PSMB2: variants seen among roughly 807,000 people sequenced by gnomAD.
PSMB2 encodes proteasome 20S subunit beta 2, also known as proteasome subunit beta type-2.
Under a neutral mutation model 25.7 loss-of-function variants are expected in PSMB2, and 13 were observed. The ratio of observed to expected loss-of-function variants is 0.51; its 90% confidence interval spans 0.33 to 0.80. PSMB2 has a LOEUF of 0.80. Ranked by LOEUF, PSMB2 falls within the 30% of genes least tolerant of loss-of-function variation. The probability of loss-of-function intolerance (pLI) is 0.02; values close to 1 mark genes in which losing one functional copy is unlikely to be tolerated. For synonymous variants in PSMB2, 87 were observed against 96.2 expected, an observed-to-expected ratio of 0.90 and a Z score of 0.56; for missense variants, 202 against 259.0, an observed-to-expected ratio of 0.78 and a Z score of 1.51.
intron 3 of PSMB2, among the ~76,000 whole-genome samples, chr1:35,620,964 C>T (rs539217190): frequency 2.0e-5 from 3 of 151,710 alleles, no homozygotes; most frequent in African/African-American, 7.3e-5. Context: ...CTGTGCCCGG[C>T]TGACTTTAGA....
intron 3 of PSMB2, among the ~76,000 whole-genome samples, chr1:35,627,443 C>T (rs1433567894): frequency 6.6e-6 from 1 of 151,848 alleles, no homozygotes; most frequent in Non-Finnish European, 1.5e-5. Flanking sequence ...ATTGCTTGAG[C>T]CCAGGAGTTC....
rs565440712 is a variant in PSMB2 at position 35,607,020 on chromosome 1, C to A, written c.449-1738G>T. Among the ~76,000 whole-genome samples the A allele has an allele frequency of 3.3e-5, 5 of 152,258 alleles. No homozygotes were observed. In the South Asian group the frequency reaches 1.0e-3, roughly 32 times the overall value. On this transcript the variant is annotated intron_variant, in intron 4 of 5. Coordinates refer to ENST00000373237, the MANE Select transcript of PSMB2 (RefSeq NM_002794.5). Reference sequence around the variant, plus strand: ...CCATACACAGAAGAATGAAACCAGACCCTCACCTCTTACCCTATACAAAAT... The same window carrying A: ...CCATACACAGAAGAATGAAACCAGAACCTCACCTCTTACCCTATACAAAAT...
chr1:35,635,568 C>A (rs983533721), intron 2 of PSMB2, among the ~76,000 whole-genome samples: 1 of 151,862 alleles, frequency 6.6e-6, no homozygotes, highest in African/African-American at 2.4e-5. Flanking sequence ...TGGTGGCTCA[C>A]GCCTGTAATC....
chr1:35,636,891 T>A (rs1651258664), intron 1 of PSMB2, among the ~76,000 whole-genome samples: 2 of 152,230 alleles, frequency 1.3e-5, no homozygotes, highest in Admixed American at 6.5e-5. Flanking sequence ...ATTTAACTAA[T>A]TATTGCTTTT....
At chr1:35,625,607 A>T (rs1650831813) in intron 3 of PSMB2, among the ~76,000 whole-genome samples, 1 of 151,542 alleles carries the variant, frequency 6.6e-6, no homozygotes, top group Non-Finnish European at 1.5e-5. Context: ...CTAAAAATAC[A>T]AAAAAGTAGC....
At chr1:35,629,966 C>T (rs1651042700) in intron 3 of PSMB2, among the ~76,000 whole-genome samples, 2 of 152,140 alleles carry the variant, frequency 1.3e-5, no homozygotes, top group Admixed American at 6.5e-5. Context: ...ATCAGGAGTT[C>T]GAGACCAGCC....
intron 5 of PSMB2, among the ~76,000 whole-genome samples, chr1:35,604,215 G>A (rs940598362): frequency 3.9e-5 from 6 of 152,054 alleles, no homozygotes; most frequent in Non-Finnish European, 8.8e-5. Flanking sequence ...AACTAATGTG[G>A]CTGGTTTTTG....
rs1299065680 is a variant in PSMB2 at position 35,641,482 on chromosome 1, C to T, written c.-50G>A. 1 of 1,612,246 alleles carries T rather than the reference C, an allele frequency of 6.2e-7. No individual in the cohort carries two copies. ...GGTCCGACACAGCACGAGACTCGCC[C>T]GCTTCCAGGTCTCACCGGTGAGACA... On this transcript the variant is annotated 5_prime_UTR_variant, in exon 1 of 6. Coordinates refer to ENST00000373237, the MANE Select transcript of PSMB2 (RefSeq NM_002794.5).
intron 3 of PSMB2, among the ~76,000 whole-genome samples, chr1:35,627,579 C>G (rs1299669745): frequency 1.3e-5 from 2 of 152,044 alleles, no homozygotes; most frequent in African/African-American, 2.4e-5. Context: ...CCTGAAAGGT[C>G]AAGGGGCTGC....
intron 3 of PSMB2, among the ~76,000 whole-genome samples, chr1:35,622,694 G>C (rs1449355749): frequency 6.6e-6 from 1 of 151,778 alleles, no homozygotes; most frequent in Admixed American, 6.6e-5. Flanking sequence ...TGCTCTCTGA[G>C]TGAGAAAGCA....
intron 5 of PSMB2, among the ~76,000 whole-genome samples, chr1:35,603,812 G>A (rs1650078502): frequency 6.6e-6 from 1 of 152,172 alleles, no homozygotes. Context: ...GGTTGAGGTG[G>A]AAGAATATCT....
Position 35,600,426 on chromosome 1 carries a change from A to G in PSMB2, c.*2841T>C. On this transcript the variant is annotated 3_prime_UTR_variant, in exon 6 of 6. Transcript: ENST00000373237. ...GTGGTATATAGAAGATGTTAACATT[A>G]CAGAAACTGAATAAGGGGTATAAGG... The G allele has an allele frequency of 1.2e-6, 1 of 858,690 alleles. No individual in the cohort carries two copies. Among genetic ancestry groups the G allele is most frequent in the Non-Finnish European group, 1.4e-6 (1 of 714,776 alleles). 53.2% of individuals were successfully genotyped at this position (858,690 alleles called of 1,614,324 possible).
intron 1 of PSMB2, among the ~76,000 whole-genome samples, chr1:35,638,649 A>G (rs181566465): frequency 2.0e-5 from 3 of 152,358 alleles, no homozygotes; most frequent in African/African-American, 7.2e-5. Flanking sequence ...GGAATTCAGA[A>G]AAGAGAGAAT....
At chr1:35,604,546 G>A (rs1459698387) in intron 5 of PSMB2, among the ~76,000 whole-genome samples, 2 of 152,122 alleles carry the variant, frequency 1.3e-5, no homozygotes, top group African/African-American at 2.4e-5. Context: ...TTGGGAGGCC[G>A]AGGCAGGCGG....
At chr1:35,629,523 C>G (rs1365313681) in intron 3 of PSMB2, among the ~76,000 whole-genome samples, 1 of 152,100 alleles carries the variant, frequency 6.6e-6, no homozygotes, top group African/African-American at 2.4e-5. Context: ...CAGGTAAGTA[C>G]GCCAGGTACA....
rs79838137 is a variant in PSMB2, at chr1:35,631,641, G to A, written c.215-297C>T. Reference sequence around the variant, plus strand: ...TCATCAACACACTGTGGTTTCTGCCGTAGAAGGAAAGGAACACGAATACAC... The same window carrying A: ...TCATCAACACACTGTGGTTTCTGCCATAGAAGGAAAGGAACACGAATACAC... On this transcript the variant is annotated intron_variant, in intron 2 of 5. Coordinates refer to ENST00000373237, the MANE Select transcript of PSMB2 (RefSeq NM_002794.5). The A allele has an allele frequency of 8.4e-3, 3,433 of 411,030 alleles. 115 individuals are homozygous for A. Among genetic ancestry groups the A allele is most frequent in the African/African-American group, 0.064 (3,041 of 47,562 alleles). The allele number at this position is 411,030 out of a possible 1,614,324, so 25.5% of individuals were successfully genotyped here. A position where few individuals can be genotyped will look rare whatever the true frequency, so the allele number is the denominator to read the frequency against.
intron 3 of PSMB2, among the ~76,000 whole-genome samples, chr1:35,617,400 G>A (rs1357721168): frequency 2.0e-5 from 3 of 152,152 alleles, no homozygotes; most frequent in Non-Finnish European, 4.4e-5. Context: ...GGAAACCCAT[G>A]TGTAGATTCA....
chr1:35,605,188 C>G (rs1650126545), intron 5 of PSMB2, 45 bp downstream of exon 5: 1 of 1,563,664 alleles, frequency 6.4e-7, no homozygotes, highest in Non-Finnish European at 8.7e-7. Context: ...CACTGGCAAA[C>G]AGAGAGACAA....
intron 4 of PSMB2, among the ~76,000 whole-genome samples, chr1:35,608,314 G>A (rs1248969657): frequency 1.3e-5 from 2 of 151,242 alleles, no homozygotes; most frequent in African/African-American, 2.4e-5. Flanking sequence ...GCTGTGAGCC[G>A]AGATCACTCC....
Sources: gnomAD v4.1 joint callset for allele counts (sites outside exome capture counted in the v4.1 genomes callset) on GRCh38, gnomAD v4.1.1 for gene constraint, MANE v1.5 for transcripts, NCBI Gene and HGNC (gene_info 2026-07-23, HGNC 2026-07-21) for gene names.